The following ABCA5 variants were observed in gnomAD, a reference collection of about 807,000 sequenced individuals.
ABCA5 encodes the protein cholesterol transporter ABCA5.
A neutral mutation model predicts 206.0 loss-of-function variants in ABCA5; 163 were observed. That is an observed-to-expected ratio of 0.79 (90% CI 0.70 to 0.90). The LOEUF (loss-of-function observed/expected upper bound fraction) is 0.90. Among genes scored for constraint, ABCA5 ranks in the 40% least tolerant of loss-of-function variants. The pLI is 0.00. For missense variants in ABCA5, 1,859 were observed against 1,912.9 expected, an observed-to-expected ratio of 0.97 and a Z score of 0.53; for synonymous variants, 609 against 613.8, an observed-to-expected ratio of 0.99 and a Z score of 0.11.
chr17:69,299,939 T>C (rs1265478929), intron 9 of ABCA5, among the ~76,000 whole-genome samples: 1 of 152,200 alleles, frequency 6.6e-6, no homozygotes, highest in East Asian at 1.9e-4. Context: ...TCTAGACTAG[T>C]GGTCCCCAGC....
chr17:69,271,771 A>T (rs566376540), intron 20 of ABCA5, among the ~76,000 whole-genome samples: 53 of 152,324 alleles, frequency 3.5e-4, no homozygotes, highest in Middle Eastern at 3.4e-3. Flanking sequence ...TTTAGGTAAC[A>T]AGATAACCTG....
At position 69,248,470 on chromosome 17, in the gene ABCA5, T is replaced by C. The variant is rs1008193399; in HGVS notation, c.4766-153A>G. On this transcript the variant is annotated intron_variant, in intron 37 of 38. Transcript: ENST00000392676. ...CATGTTATTTTTCCCGCTTACTTCCTTTCTCTTCCCCACACCTATAATTCC... is the reference window on the plus strand; with the variant it reads ...CATGTTATTTTTCCCGCTTACTTCCCTTCTCTTCCCCACACCTATAATTCC... The C allele has an allele frequency of 1.9e-5, 10 of 527,926 alleles. 1 individual carries two copies. The South Asian group carries it at 2.2e-4, about 12-fold the overall frequency. The allele number at this position is 527,926 out of a possible 1,614,324, so 32.7% of individuals were successfully genotyped here. A position where few individuals can be genotyped will look rare whatever the true frequency, so the allele number is the denominator to read the frequency against.
intron 25 of ABCA5, 78 bp downstream of exon 25, chr17:69,261,556 CA>C: frequency 1.4e-6 from 1 of 707,726 alleles, no homozygotes; most frequent in East Asian, 3.0e-5. Context: ...AGACATGTAA[CA>C]TTTTTAGTAT....
chr17:69,309,742 G>A (rs1157481053), intron 3 of ABCA5, among the ~76,000 whole-genome samples: 3 of 152,084 alleles, frequency 2.0e-5, no homozygotes, highest in Non-Finnish European at 4.4e-5. Flanking sequence ...TTGGGAGGCG[G>A]AGGTGGGAGG....
At chr17:69,287,969 C>T (rs879265321) in intron 14 of ABCA5, among the ~76,000 whole-genome samples, 18 of 152,128 alleles carry the variant, frequency 1.2e-4, no homozygotes, top group Non-Finnish European at 2.2e-4. Flanking sequence ...AAAAGACTGC[C>T]TGTAATACAC....
Position 69,289,641 on chromosome 17 carries a change from C to G in ABCA5, c.1782+221G>C, listed in dbSNP as rs148530456. Reference sequence around the variant, plus strand: ...TAGAGGAGATGAGAGCAAGAGAAGGCAGGAATAAGGCAGGCAAGCATCCTC... The same window carrying G: ...TAGAGGAGATGAGAGCAAGAGAAGGGAGGAATAAGGCAGGCAAGCATCCTC... On this transcript the variant is annotated intron_variant, in intron 13 of 38. Transcript: ENST00000392676. 7.4e-3 allele frequency among the ~76,000 whole-genome samples: 1,131 copies of G among 152,130 alleles called. 18 individuals carry two copies. The highest frequency in any genetic ancestry group is 0.026 in the African/African-American group (1,060 of 41,516).
intron 12 of ABCA5, 118 bp downstream of exon 12, chr17:69,291,098 G>GA (rs2075521180): frequency 1.9e-6 from 1 of 535,604 alleles, no homozygotes; most frequent in Non-Finnish European, 3.1e-6. Context: ...GTATAATCAA[G>GA]AAAAAAAGAA....
intron 14 of ABCA5, 96 bp from the exon 15 acceptor site, chr17:69,287,847 A>C: frequency 8.7e-7 from 1 of 1,143,592 alleles, no homozygotes; most frequent in East Asian, 2.8e-5. Flanking sequence ...ATTTCAAATT[A>C]TTATTTTCAA....
intron 19 of ABCA5, among the ~76,000 whole-genome samples, chr17:69,275,363 A>T (rs1307888131): frequency 6.6e-6 from 1 of 152,142 alleles, no homozygotes; most frequent in Admixed American, 6.5e-5. Flanking sequence ...TATATATCAC[A>T]TGTAATAAGT....
Position 69,283,931 on chromosome 17 carries a change from GTT to G in ABCA5, c.2392+20_2392+21del, listed in dbSNP as rs2075423799. ...ATCTGTCTGATTCATTGCCTAAAAT[GTT>G]TTGTTAGTTCTGTTTTTACCTGCTT... On this transcript the variant is annotated intron_variant, in intron 18 of 38. Coordinates refer to ENST00000392676, the MANE Select transcript of ABCA5 (RefSeq NM_172232.4). 1 of 1,598,318 alleles carries G rather than the reference GTT, an allele frequency of 6.3e-7. No individual in the cohort carries two copies. The highest frequency in any genetic ancestry group is 1.3e-5 in the African/African-American group (1 of 74,208).
chr17:69,247,636 T>A lies in ABCA5; in HGVS notation c.4830A>T (p.Val1610=). 1 of 1,596,870 alleles carries A rather than the reference T, an allele frequency of 6.3e-7. No homozygotes were observed. Among genetic ancestry groups the A allele is most frequent in the Non-Finnish European group, 8.5e-7 (1 of 1,169,972 alleles). ...FSQATLEQVF[V]ELTKEQEEED... Reference sequence around the variant, plus strand: ...CCTCCTCTTGTTCTTTAGTGAGTTCTACAAAAACCTAGGTGAAAAGAAATA... The same window carrying A: ...CCTCCTCTTGTTCTTTAGTGAGTTCAACAAAAACCTAGGTGAAAAGAAATA... The change falls in exon 39 of 39, where the codon GTA becomes GTT. Residue 1610 remains valine, a synonymous_variant. Coordinates refer to ENST00000392676, the MANE Select transcript of ABCA5 (RefSeq NM_172232.4).
Position 69,250,597 on chromosome 17 carries a change from T to C in ABCA5, c.4560A>G (p.Leu1520=), listed in dbSNP as rs1401433689. The C allele has an allele frequency of 2.5e-6, 4 of 1,596,644 alleles. No homozygotes were observed. The Admixed American group carries it at 5.3e-5, about 21-fold the overall frequency. Residue 1520 remains leucine (L), a synonymous_variant, in exon 36 of 39, where the codon CTA becomes CTG. Transcript: ENST00000392676. ...QLRCIGTVQH[L]KSKFGKGYFL... ...AGTAGCCTTTTCCAAATTTACTCTTTAGATGTTGTACTGTTCCGATACATC... is the reference window on the plus strand; with the variant it reads ...AGTAGCCTTTTCCAAATTTACTCTTCAGATGTTGTACTGTTCCGATACATC...
At chr17:69,251,891 A>C in intron 34 of ABCA5, 25 bp from the exon 35 acceptor site, 1 of 1,606,822 alleles carries the variant, frequency 6.2e-7, no homozygotes, top group Non-Finnish European at 8.5e-7. Flanking sequence ...TAAAACAAAA[A>C]GAGAGGAACA....
In ABCA5 at chr17:69,269,176, G is replaced by C. The variant is rs144671456; in HGVS notation, c.3031-1120C>G. On this transcript the variant is annotated intron_variant, in intron 22 of 38. Coordinates refer to ENST00000392676, the MANE Select transcript of ABCA5 (RefSeq NM_172232.4). ...GTAAGTTGTAAAATCTTGTGTAATA[G>C]TTATGGATACAGACATATGTAGTAA... Among the ~76,000 whole-genome samples, 786 of 152,248 alleles carry C rather than the reference G, an allele frequency of 5.2e-3. 12 individuals carry two copies. The highest frequency in any genetic ancestry group is 0.017 in the African/African-American group (725 of 41,538).
chr17:69,325,518 A>G (rs1378805715), intron 1 of ABCA5, among the ~76,000 whole-genome samples: 1 of 152,246 alleles, frequency 6.6e-6, no homozygotes, highest in East Asian at 1.9e-4. Flanking sequence ...ACTTAGTACA[A>G]TATCATAAAA....
intron 38 of ABCA5, 69 bp downstream of exon 38, chr17:69,248,193 A>C (rs776415905): frequency 2.1e-6 from 2 of 954,006 alleles, no homozygotes; most frequent in South Asian, 3.2e-5. Context: ...TCTCTAATAT[A>C]AACCAAAACA....
rs774881364 is a variant in ABCA5 at position 69,247,545 on chromosome 17, C to G, written c.4921G>C (p.Val1641Leu). The G allele has an allele frequency of 1.3e-6, 2 of 1,593,042 alleles. No individual in the cohort carries two copies. Among genetic ancestry groups the G allele is most frequent in the Non-Finnish European group, 8.6e-7 (1 of 1,168,862 alleles). The part of the protein sequence containing the change: ...WWERTQEDRV[V>L]F ...GACCGAACAATACAAATTCAAAATA[C>G]TACTCTATCTTCTTGTGTTCGTTCC... is the stretch of plus-strand genomic sequence containing the variant. Residue 1641 changes from valine (V) to leucine (L), a missense_variant, in exon 39 of 39, where the codon GTA becomes CTA. Coordinates refer to ENST00000392676, the MANE Select transcript of ABCA5 (RefSeq NM_172232.4).
intron 8 of ABCA5, among the ~76,000 whole-genome samples, chr17:69,301,814 GC>G (rs2075655222): frequency 6.6e-6 from 1 of 152,114 alleles, no homozygotes; most frequent in African/African-American, 2.4e-5. Context: ...TTAGGTCCTA[GC>G]CCTGCCATTA....
intron 1 of ABCA5, 30 bp from the exon 2 acceptor site, chr17:69,314,460 C>T (rs773984962): frequency 7.3e-7 from 1 of 1,378,210 alleles, no homozygotes; most frequent in Non-Finnish European, 1.0e-6. Context: ...AACAAACAAA[C>T]CCGGAGCCAC....
Sources: allele counts gnomAD v4.1 joint callset (sites outside exome capture counted in the v4.1 genomes callset), GRCh38; gene constraint gnomAD v4.1.1; transcripts MANE v1.5; gene names NCBI Gene and HGNC (gene_info 2026-07-23, HGNC 2026-07-21).